SLC17A7: variants seen among roughly 807,000 people sequenced by gnomAD.
SLC17A7 encodes the protein vesicular glutamate transporter 1.
In SLC17A7, 15 loss-of-function variants were observed where a neutral mutation model predicts 59.1. That is an observed-to-expected ratio of 0.25 (90% CI 0.17 to 0.39). SLC17A7 has a LOEUF of 0.39. SLC17A7 is among the 10% of genes least tolerant of loss of function. The probability of loss-of-function intolerance (pLI) is 1.00; values close to 1 mark genes in which losing one functional copy is unlikely to be tolerated. For missense variants in SLC17A7, 499 were observed against 765.1 expected (o/e 0.65, Z 4.10); for synonymous variants, 353 against 308.9 (o/e 1.14, Z -1.50).
Position 49,429,835 on chromosome 19 carries a change from T to C in SLC17A7, c.*684A>G, listed in dbSNP as rs144847217. The C allele has an allele frequency of 4.9e-5, 17 of 350,026 alleles. No homozygotes were observed. Among genetic ancestry groups the C allele is most frequent in the African/African-American group, 3.1e-4 (15 of 47,874 alleles). The allele number at this position is 350,026 out of a possible 1,614,324, so 21.7% of individuals were successfully genotyped here. Reference sequence around the variant, plus strand: ...AAGTGCACGGGGGTAGAGAGGCATATTGTTAAAATTGCGATTTTGGTTGTT... The same window carrying C: ...AAGTGCACGGGGGTAGAGAGGCATACTGTTAAAATTGCGATTTTGGTTGTT... On this transcript the variant is annotated 3_prime_UTR_variant, in exon 12 of 12. Coordinates refer to ENST00000221485, the MANE Select transcript of SLC17A7 (RefSeq NM_020309.4).
At chr19:49,434,575 A>G in intron 5 of SLC17A7, 27 bp downstream of exon 5, 15 of 1,576,986 alleles carry the variant, frequency 9.5e-6, no homozygotes, top group Non-Finnish European at 1.3e-5. Flanking sequence ...CCTCAGATTC[A>G]GGAGTGAGGA....
rs537955681 is a variant in SLC17A7, at chr19:49,434,897, C to T, written c.435-15G>A. 6.2e-7 allele frequency: 1 copy of T among 1,606,372 alleles called. No individual in the cohort carries two copies. Among genetic ancestry groups the T allele is most frequent in the South Asian group, 1.1e-5 (1 of 90,436 alleles). On this transcript the variant is annotated splice_polypyrimidine_tract_variant and intron_variant, in intron 3 of 11. Coordinates refer to ENST00000221485, the MANE Select transcript of SLC17A7 (RefSeq NM_020309.4). ...AGCCGAAAACTCTGATGGGAAGGGT[C>T]AGAGAAAAGAATCCAAGCTATCCAG... is the stretch of plus-strand genomic sequence containing the variant.
rs1340572595 is a variant in SLC17A7 at position 49,429,897 on chromosome 19, C to G, written c.*622G>C. 7 of 252,020 alleles carry G rather than the reference C, an allele frequency of 2.8e-5. No homozygotes were observed. In the South Asian group the frequency reaches 1.0e-3, roughly 38 times the overall value. 15.6% of individuals were successfully genotyped at this position (252,020 alleles called of 1,614,324 possible). On this transcript the variant is annotated 3_prime_UTR_variant, in exon 12 of 12. Transcript: ENST00000221485. ...TATGCTAAGCTAGGGAGAAGAGGGT[C>G]TTGAGAAATTTGGTGCTTTCGCAGA...
intron 11 of SLC17A7, 79 bp from the exon 12 acceptor site, chr19:49,430,891 G>T: frequency 6.4e-7 from 1 of 1,555,602 alleles, no homozygotes; most frequent in Non-Finnish European, 8.7e-7. Flanking sequence ...CTAGAGGAAG[G>T]GAGGCAGAGA....
At position 49,432,924 on chromosome 19, in the gene SLC17A7, T is replaced by G; in HGVS notation, c.904A>C (p.Met302Leu). 6.2e-7 allele frequency: 1 copy of G among 1,607,450 alleles called. No individual in the cohort carries two copies. Among genetic ancestry groups the G allele is most frequent in the Non-Finnish European group, 8.5e-7 (1 of 1,177,238 alleles). Residue 302 changes from methionine (M) to leucine (L), a missense_variant, in exon 8 of 12, where the codon ATG becomes CTG. Transcript: ENST00000221485. ...STPWRRFFTSMPVYAIIVANF... is the reference protein window; with the variant it reads ...STPWRRFFTSLPVYAIIVANF... ...GCCACGATGATGGCATAGACTGGCA[T>G]AGACGTGAAGAAGCGCCGCCAGGGA...
chr19:49,433,043 T>G lies in SLC17A7; in HGVS notation c.868-83A>C, dbSNP rs376258561. On this transcript the variant is annotated intron_variant, in intron 7 of 11. Transcript: ENST00000221485. The surrounding 1 kb of genome is among the most constrained non-coding windows in gnomAD (Gnocchi z 5.7). ...GTCCCTTCAGGGACCACAGTGTAGT[T>G]CTGCAGAAACCAAAGGATCCCGACC... 7.1e-7 allele frequency: 1 copy of G among 1,408,910 alleles called. No individual in the cohort carries two copies. Among genetic ancestry groups the G allele is most frequent in the Non-Finnish European group, 9.7e-7 (1 of 1,029,744 alleles). 87.3% of individuals were successfully genotyped at this position (1,408,910 alleles called of 1,614,324 possible).
rs1178341664 is a variant in SLC17A7 at position 49,430,399 on chromosome 19, A to G, written c.*120T>C. ...GATTTGACAGCACTGGGAACAAGGG[A>G]GAGTGCTTCTTAGGCCTGAGGCAGG... On this transcript the variant is annotated 3_prime_UTR_variant, in exon 12 of 12. Transcript: ENST00000221485. 7.3e-6 allele frequency: 5 copies of G among 683,460 alleles called. No homozygotes were observed. Among genetic ancestry groups the G allele is most frequent in the Non-Finnish European group, 1.2e-5 (5 of 409,934 alleles). The allele number at this position is 683,460 out of a possible 1,614,324, so 42.3% of individuals were successfully genotyped here. A position where few individuals can be genotyped will look rare whatever the true frequency, so the allele number is the denominator to read the frequency against.
At chr19:49,432,176 T>C (rs959976366) in intron 9 of SLC17A7, among the ~76,000 whole-genome samples, 1 of 152,188 alleles carries the variant, frequency 6.6e-6, no homozygotes, top group African/African-American at 2.4e-5. Flanking sequence ...CCAGGTGCCT[T>C]GCTCTTAGCG....
intron 3 of SLC17A7, 64 bp from the exon 4 acceptor site, chr19:49,434,946 C>T: frequency 6.6e-7 from 1 of 1,506,210 alleles, no homozygotes; most frequent in Non-Finnish European, 9.2e-7. Context: ...TCTGCCTTTC[C>T]CGCCCACAGC....
At position 49,433,763 on chromosome 19, in the gene SLC17A7, G is replaced by A; in HGVS notation, c.830C>T (p.Ala277Val). The A allele has an allele frequency of 1.9e-6, 3 of 1,614,118 alleles. No homozygotes were observed. Among genetic ancestry groups the A allele is most frequent in the Non-Finnish European group, 2.5e-6 (3 of 1,180,004 alleles). Residue 277 changes from alanine to valine, a missense_variant, in exon 7 of 12, where the codon GCC (alanine) becomes GTC (valine). Physicochemically the swap from Ala to Val is moderately conservative, Grantham distance 64 (BLOSUM62 0). This residue lies in a region of SLC17A7 where 323 missense variants were observed against 607.2 expected (regional missense o/e 0.53). Coordinates refer to ENST00000221485, the MANE Select transcript of SLC17A7 (RefSeq NM_020309.4). The surrounding 1 kb of genome is among the most constrained non-coding windows in gnomAD (Gnocchi z 5.7). ...CATGAGTTTCGCGCTCTCTCCGATG[G>A]CGTCCTCGATGTACTTGCGCTCCTC... is the stretch of plus-strand genomic sequence containing the variant. ...SEEERKYIED[A>V]IGESAKLMNP... is the part of the protein sequence containing the mutation.
At position 49,430,657 on chromosome 19, in the gene SLC17A7, C is replaced by G. The variant is rs980975986; in HGVS notation, c.1545G>C (p.Gln515His). 2 of 1,614,152 alleles carry G rather than the reference C, an allele frequency of 1.2e-6. No homozygotes were observed. Among genetic ancestry groups the G allele is most frequent in the African/African-American group, 1.3e-5 (1 of 75,048 alleles). Residue 515 changes from glutamine to histidine, a missense_variant, in exon 12 of 12, where the codon CAG becomes CAC. Gln to His is a conservative substitution (Grantham distance 24). Coordinates refer to ENST00000221485, the MANE Select transcript of SLC17A7 (RefSeq NM_020309.4). ...TTTCGCTGTCGTCACTGCCAGCCAG[C>G]TGGTCATGGCCAACGAAGCCACACT... ...EEKCGFVGHD[Q>H]LAGSDDSEME...
rs144317272 is a variant in SLC17A7 at position 49,433,246 on chromosome 19, A to C, written c.868-286T>G. 65 of 449,326 alleles carry C rather than the reference A, an allele frequency of 1.4e-4. No homozygotes were observed. Among genetic ancestry groups the C allele is most frequent in the Middle Eastern group, 1.2e-3 (2 of 1,700 alleles). 27.8% of individuals were successfully genotyped at this position (449,326 alleles called of 1,614,324 possible). A position where few individuals can be genotyped will look rare whatever the true frequency, so the allele number is the denominator to read the frequency against. ...CCTGTCTTTTTCTTTTTTTCTTTTT[A>C]TTTTTACTTTTTGTATTTTGTATTT... is the stretch of plus-strand genomic sequence containing the variant. On this transcript the variant is annotated intron_variant, in intron 7 of 11. Coordinates refer to ENST00000221485, the MANE Select transcript of SLC17A7 (RefSeq NM_020309.4). This position sits in a 1 kb window ranked among gnomAD's most constrained non-coding sequence, Gnocchi z 5.7.
Position 49,434,690 on chromosome 19 carries a change from C to G in SLC17A7, c.550-1G>C, listed in dbSNP as rs1453919778. 1 of 1,614,014 alleles carries G rather than the reference C, an allele frequency of 6.2e-7. No homozygotes were observed. Among genetic ancestry groups the G allele is most frequent in the Non-Finnish European group, 8.5e-7 (1 of 1,180,000 alleles). ...CATGGCAGGCGGGGTATGTGACCCC[C>G]TAAAGAGGAGAAAACCAAGGTCACT... On this transcript the variant is annotated splice_acceptor_variant, in intron 4 of 11. Transcript: ENST00000221485. LOFTEE classifies it high-confidence loss of function.
At position 49,435,291 on chromosome 19, in the gene SLC17A7, G is replaced by A. The variant is rs770023511; in HGVS notation, c.316-5C>T. 76 of 1,606,350 alleles carry A rather than the reference G, an allele frequency of 4.7e-5. No individual in the cohort carries two copies. Among genetic ancestry groups the A allele is most frequent in the Non-Finnish European group, 5.4e-5 (63 of 1,173,166 alleles). On this transcript the variant is annotated splice_region_variant and splice_polypyrimidine_tract_variant and intron_variant, in intron 2 of 11. Transcript: ENST00000221485. ...ATCCCAGCTGAACTGGGCTTTCTGC[G>A]GGCCAAAATGTACATTAAATCAGCC...
chr19:49,432,488 C>T, intron 9 of SLC17A7, 31 bp downstream of exon 9: 1 of 1,605,060 alleles, frequency 6.2e-7, no homozygotes, highest in Non-Finnish European at 8.5e-7. Context: ...CCAGGCTGTC[C>T]TAGAGCCGGC....
At chr19:49,441,196 G>A in intron 1 of SLC17A7, 122 bp downstream of exon 1, 1 of 1,509,510 alleles carries the variant, frequency 6.6e-7, no homozygotes, top group Non-Finnish European at 8.9e-7. Flanking sequence ...CAGAAAACTG[G>A]ACAGATGGGT....
chr19:49,440,478 G>T (rs776644092), intron 1 of SLC17A7, among the ~76,000 whole-genome samples: 1 of 152,168 alleles, frequency 6.6e-6, no homozygotes, highest in Non-Finnish European at 1.5e-5. Context: ...GTTCACTGGG[G>T]TCATCAACCT....
rs1255877195 is a variant in SLC17A7, at chr19:49,436,821, A to C, written c.63-20T>G. The C allele has an allele frequency of 4.4e-6, 7 of 1,595,974 alleles. No individual in the cohort carries two copies. The highest frequency in any genetic ancestry group is 1.3e-5 in the African/African-American group (1 of 74,838). Reference sequence around the variant, plus strand: ...AGAAGGCTGCGGGACAGCAAGAGCCAGAGACTCGGAAGTCCAGGCCCCCAG... The same window carrying C: ...AGAAGGCTGCGGGACAGCAAGAGCCCGAGACTCGGAAGTCCAGGCCCCCAG... On this transcript the variant is annotated intron_variant, in intron 1 of 11. Transcript: ENST00000221485. The surrounding 1 kb of genome is among the most constrained non-coding windows in gnomAD (Gnocchi z 4.1).
intron 3 of SLC17A7, 58 bp from the exon 4 acceptor site, chr19:49,434,940 C>T: frequency 6.6e-7 from 1 of 1,526,278 alleles, no homozygotes; most frequent in Non-Finnish European, 9.0e-7. Flanking sequence ...CGGGATTCTG[C>T]CTTTCCCGCC....
Sources: allele counts gnomAD v4.1 joint callset (sites outside exome capture counted in the v4.1 genomes callset), GRCh38; gene constraint gnomAD v4.1.1; regional missense constraint gnomAD v4.1.1; non-coding constraint Gnocchi (gnomAD v3.1); transcripts MANE v1.5; gene names NCBI Gene and HGNC (gene_info 2026-07-23, HGNC 2026-07-21).